SGMS1: variants seen among roughly 807,000 people sequenced by gnomAD.
SGMS1 encodes sphingomyelin synthase 1, also known as phosphatidylcholine:ceramide cholinephosphotransferase 1.
Under a neutral mutation model 46.2 loss-of-function variants are expected in SGMS1, and 13 were observed. That is an observed-to-expected ratio of 0.28 (90% CI 0.18 to 0.45). The LOEUF is 0.45. Ranked by LOEUF, SGMS1 falls within the 20% of genes least tolerant of loss-of-function variation. SGMS1 has a pLI of 1.00. For missense variants in SGMS1, 324 were observed against 519.9 expected (o/e 0.62, Z 3.66); for synonymous variants, 203 against 187.8 (o/e 1.08, Z -0.66).
chr10:50,401,717 A>G (rs928412976), intron 6 of SGMS1, among the ~76,000 whole-genome samples: 34 of 152,174 alleles, frequency 2.2e-4, no homozygotes, highest in African/African-American at 8.2e-4. Flanking sequence ...TCTATTTTTC[A>G]TTTGCCTTCT....
At chr10:50,575,525 G>A (rs572063566) in intron 2 of SGMS1, among the ~76,000 whole-genome samples, 15 of 152,224 alleles carry the variant, frequency 9.9e-5, no homozygotes, top group South Asian at 4.1e-4. Flanking sequence ...CAACCTGGGC[G>A]ACAGTGAGAT....
chr10:50,520,716 C>T (rs993620469), intron 2 of SGMS1, among the ~76,000 whole-genome samples: 1 of 152,136 alleles, frequency 6.6e-6, no homozygotes, highest in Non-Finnish European at 1.5e-5. Context: ...GATACGCCAA[C>T]AGAGATAGAA....
intron 1 of SGMS1, among the ~76,000 whole-genome samples, chr10:50,606,544 T>C (rs1472662210): frequency 6.6e-6 from 1 of 152,234 alleles, no homozygotes; most frequent in Non-Finnish European, 1.5e-5. Context: ...ATAGTAGAAA[T>C]ATTTTAAAAC....
chr10:50,383,117 C>T (rs953357755), intron 6 of SGMS1, among the ~76,000 whole-genome samples: 2 of 151,984 alleles, frequency 1.3e-5, no homozygotes, highest in African/African-American at 4.8e-5. Flanking sequence ...CAAATTATCT[C>T]GGCAAAAATT....
At chr10:50,587,866 G>A (rs1838502298) in intron 2 of SGMS1, among the ~76,000 whole-genome samples, 1 of 152,018 alleles carries the variant, frequency 6.6e-6, no homozygotes, top group South Asian at 2.1e-4. Flanking sequence ...CTTAATCTGG[G>A]TGCTGGTTAC....
intron 3 of SGMS1, among the ~76,000 whole-genome samples, chr10:50,504,421 A>G (rs965482863): frequency 6.6e-6 from 1 of 152,230 alleles, no homozygotes; most frequent in Non-Finnish European, 1.5e-5. Flanking sequence ...CACTGTCATC[A>G]GTTATGTTAG....
At chr10:50,624,096 G>A, upstream of SGMS1, 5 of 985,254 alleles carry the variant, frequency 5.1e-6, no homozygotes, top group Non-Finnish European at 6.0e-6. Flanking sequence ...GACCGAGCGG[G>A]ACCCCGAACC....
At chr10:50,609,575 C>T (rs1164032827) in intron 1 of SGMS1, among the ~76,000 whole-genome samples, 1 of 129,562 alleles carries the variant, frequency 7.7e-6, no homozygotes, top group African/African-American at 2.9e-5. Context: ...TTGCACATAA[C>T]AATGCTTTCA....
At chr10:50,318,272 A>G (rs1481649319) in intron 8 of SGMS1, among the ~76,000 whole-genome samples, 1 of 152,192 alleles carries the variant, frequency 6.6e-6, no homozygotes, top group Non-Finnish European at 1.5e-5. Context: ...GCATGAATCC[A>G]ACTTCAAACT....
intron 3 of SGMS1, among the ~76,000 whole-genome samples, chr10:50,480,827 A>G (rs548331941): frequency 2.0e-4 from 31 of 152,300 alleles, no homozygotes; most frequent in Non-Finnish European, 3.8e-4. Context: ...TTCCCCTGCC[A>G]GTGCTAAAGA....
intron 1 of SGMS1, among the ~76,000 whole-genome samples, chr10:50,598,680 C>T (rs1449616036): frequency 6.6e-6 from 1 of 152,060 alleles, no homozygotes; most frequent in Non-Finnish European, 1.5e-5. Context: ...CTAAGAAGTA[C>T]TGAGGGTCAA....
chr10:50,360,926 G>A (rs1848237071), intron 6 of SGMS1, among the ~76,000 whole-genome samples: 1 of 152,208 alleles, frequency 6.6e-6, no homozygotes, highest in African/African-American at 2.4e-5. Context: ...AGATGGCTTA[G>A]GAAAAGGGTG....
At chr10:50,311,034 C>T (rs1259953966) in intron 9 of SGMS1, among the ~76,000 whole-genome samples, 4 of 152,228 alleles carry the variant, frequency 2.6e-5, no homozygotes, top group Non-Finnish European at 5.9e-5. Context: ...GCCTCCACCC[C>T]AGTACTACAG....
chr10:50,357,038 A>C (rs569668016), intron 6 of SGMS1, among the ~76,000 whole-genome samples: 12 of 152,188 alleles, frequency 7.9e-5, no homozygotes, highest in Admixed American at 7.9e-4. Flanking sequence ...ACAAACCTGC[A>C]CATTGTATAC....
chr10:50,595,806 T>G (rs552436472), intron 1 of SGMS1, among the ~76,000 whole-genome samples: 1 of 152,258 alleles, frequency 6.6e-6, no homozygotes, highest in East Asian at 1.9e-4. Context: ...GACAGTAGCT[T>G]TCATGCCCCC....
chr10:50,432,051 T>C (rs1220968719), intron 6 of SGMS1, among the ~76,000 whole-genome samples: 1 of 152,172 alleles, frequency 6.6e-6, no homozygotes, highest in Non-Finnish European at 1.5e-5. Context: ...CCAAACCTTG[T>C]TTTTATTCAT....
chr10:50,446,661 T>C (rs1362787584), intron 5 of SGMS1, among the ~76,000 whole-genome samples: 1 of 152,106 alleles, frequency 6.6e-6, no homozygotes, highest in Non-Finnish European at 1.5e-5. Context: ...ATAAGCACAC[T>C]CAGTATAACT....
chr10:50,321,070 T>A (rs1407810180), intron 8 of SGMS1, among the ~76,000 whole-genome samples: 1 of 152,230 alleles, frequency 6.6e-6, no homozygotes, highest in Non-Finnish European at 1.5e-5. Context: ...TAAACAAGCT[T>A]CTTGACTATC....
In SGMS1 at chr10:50,308,098, C is replaced by T. The variant is rs373037479; in HGVS notation, c.946G>A (p.Val316Ile). ...AAGAGAATACAGAAGATTCCAACTA[C>T]GCTGAGAAGCCAGCAAATCCAGTGA... ...WYHWICWLLS[V>I]VGIFCILLAH... The change falls in exon 10 of 11, where the codon GTA (valine) becomes ATA (isoleucine). Residue 316 changes from valine (V) to isoleucine (I), a missense_variant. Coordinates refer to ENST00000361781, the MANE Select transcript of SGMS1 (RefSeq NM_147156.4). 4.3e-5 allele frequency: 69 copies of T among 1,613,820 alleles called. No individual in the cohort carries two copies. The highest frequency in any genetic ancestry group is 1.3e-4 in the African/African-American group (10 of 74,902).
Sources: allele counts gnomAD v4.1 joint callset (sites outside exome capture counted in the v4.1 genomes callset), GRCh38; gene constraint gnomAD v4.1.1; transcripts MANE v1.5; gene names NCBI Gene and HGNC (gene_info 2026-07-23, HGNC 2026-07-21).